AGBL1: variants seen among roughly 807,000 people sequenced by gnomAD.
AGBL1 encodes cytosolic carboxypeptidase 4.
Under a neutral mutation model 118.9 loss-of-function variants are expected in AGBL1, and 130 were observed. The observed-to-expected ratio is 1.09, with a 90% CI of 0.95 to 1.26. The LOEUF (loss-of-function observed/expected upper bound fraction) is 1.26, where lower values mean the gene tolerates loss of function less well. AGBL1 is among the 50% of genes most tolerant of loss of function. The probability of loss-of-function intolerance (pLI) is 0.00; values close to 1 mark genes in which losing one functional copy is unlikely to be tolerated. For missense variants in AGBL1, 1,584 were observed against 1,298.1 expected (o/e 1.22, Z -3.38); for synonymous variants, 555 against 478.9 (o/e 1.16, Z -2.08).
chr15:86,870,019 C>T (rs1024302138), intron 22 of AGBL1, among the ~76,000 whole-genome samples: 2 of 152,104 alleles, frequency 1.3e-5, no homozygotes, highest in Non-Finnish European at 2.9e-5. Context: ...AGTCATATCT[C>T]CCTCCTTCCT....
chr15:86,844,749 T>A (rs2079294940), intron 22 of AGBL1, among the ~76,000 whole-genome samples: 1 of 152,184 alleles, frequency 6.6e-6, no homozygotes, highest in South Asian at 2.1e-4. Flanking sequence ...TTATATATCA[T>A]GCTTTTGGTA....
intron 23 of AGBL1, among the ~76,000 whole-genome samples, chr15:86,986,461 T>G (rs538250081): frequency 2.6e-4 from 39 of 152,328 alleles, no homozygotes; most frequent in African/African-American, 9.1e-4. Context: ...AACTTATTTC[T>G]TTTTCAAACT....
chr15:86,687,514 CAG>C (rs2086081524), intron 22 of AGBL1, among the ~76,000 whole-genome samples: 1 of 152,088 alleles, frequency 6.6e-6, no homozygotes, highest in Non-Finnish European at 1.5e-5. Flanking sequence ...CTTGGAGAAT[CAG>C]AGTGAAAGGA....
At chr15:86,338,180 A>G (rs1444669155) in intron 17 of AGBL1, among the ~76,000 whole-genome samples, 1 of 152,190 alleles carries the variant, frequency 6.6e-6, no homozygotes, top group East Asian at 1.9e-4. Context: ...GTGAAAGGTA[A>G]CAGTTGGAGG....
chr15:86,644,110 G>T (rs1362913719), intron 21 of AGBL1, among the ~76,000 whole-genome samples: 4 of 152,072 alleles, frequency 2.6e-5, no homozygotes, highest in Non-Finnish European at 5.9e-5. Context: ...CACTTTATAT[G>T]CTGATTATAT....
At chr15:86,711,261 G>T (rs1230586264) in intron 22 of AGBL1, among the ~76,000 whole-genome samples, 1 of 152,150 alleles carries the variant, frequency 6.6e-6, no homozygotes, top group Non-Finnish European at 1.5e-5. Flanking sequence ...CAGGAAACTT[G>T]AGGAAGTTGA....
At chr15:86,462,023 C>T (rs1407072755) in intron 18 of AGBL1, among the ~76,000 whole-genome samples, 1 of 152,088 alleles carries the variant, frequency 6.6e-6, no homozygotes, top group Non-Finnish European at 1.5e-5. Context: ...TTTCCTTTGA[C>T]AATTACTTAC....
chr15:86,320,710 G>GGTGT (rs1164098628), intron 17 of AGBL1, among the ~76,000 whole-genome samples: 1 of 145,222 alleles, frequency 6.9e-6, no homozygotes, highest in Non-Finnish European at 1.5e-5. Flanking sequence ...ATTTACTGAA[G>GGTGT]GTGTGTGTGT....
At chr15:86,574,357 G>T (rs1280128179) in intron 21 of AGBL1, among the ~76,000 whole-genome samples, 1 of 152,158 alleles carries the variant, frequency 6.6e-6, no homozygotes, top group African/African-American at 2.4e-5. Context: ...GAAACTTGAG[G>T]TGGAAGGATG....
rs1450601072 is a variant in AGBL1, at chr15:86,541,231, T to TC, written c.2686-4769dup. Among the ~76,000 whole-genome samples, 5 of 152,214 alleles carry TC rather than the reference T, an allele frequency of 3.3e-5. No individual in the cohort carries two copies. The East Asian group carries it at 7.7e-4, about 24-fold the overall frequency. On this transcript the variant is annotated intron_variant, in intron 19 of 22. Coordinates refer to ENST00000614907, the MANE Select transcript of AGBL1 (RefSeq NM_001386094.1). ...TAGACTAGAGGCTTTGAAAGTAAGG[T>TC]CCTGGGGCTGGGGCATGAGCATCAC...
At position 86,236,153 on chromosome 15, in the gene AGBL1, A is replaced by G. The variant is rs900205770; in HGVS notation, c.526+11202A>G. ...GAAATCCTTTGCAGAGCCACTGTAT[A>G]TAAACAGATGACAGTGTAGCTGCTC... is the stretch of plus-strand genomic sequence containing the variant. On this transcript the variant is annotated intron_variant, in intron 6 of 22. Coordinates refer to ENST00000614907, the MANE Select transcript of AGBL1 (RefSeq NM_001386094.1). 6.6e-5 allele frequency among the ~76,000 whole-genome samples: 10 copies of G among 152,288 alleles called. 1 individual carries two copies. In the Middle Eastern group the frequency reaches 0.027, roughly 414 times the overall value.
chr15:86,170,524 A>G (rs2077399373), intron 5 of AGBL1, among the ~76,000 whole-genome samples: 1 of 152,168 alleles, frequency 6.6e-6, no homozygotes, highest in South Asian at 2.1e-4. Context: ...CATGAAAAAA[A>G]CGACTTCAAG....
At chr15:86,116,673 C>G (rs758871567) in intron 1 of AGBL1, 2 of 152,212 alleles carry the variant, frequency 1.3e-5, no homozygotes, top group Non-Finnish European at 2.9e-5. Context: ...CTTACACAAG[C>G]AGAGCAACCC....
chr15:86,787,559 C>T (rs979718405), intron 22 of AGBL1, among the ~76,000 whole-genome samples: 14 of 152,112 alleles, frequency 9.2e-5, no homozygotes, highest in Non-Finnish European at 1.8e-4. Context: ...CTTAGCATGT[C>T]GTCTTCCAGA....
chr15:86,629,836 A>T (rs532542820), intron 21 of AGBL1, among the ~76,000 whole-genome samples: 1 of 152,340 alleles, frequency 6.6e-6, no homozygotes, highest in African/African-American at 2.4e-5. Flanking sequence ...ATTCATTGCT[A>T]AAAGGAAAAA....
At chr15:86,175,529 C>A (rs535150605) in intron 5 of AGBL1, among the ~76,000 whole-genome samples, 172 of 151,908 alleles carry the variant, frequency 1.1e-3, no homozygotes, top group African/African-American at 4.0e-3. Flanking sequence ...TTATTCCTTT[C>A]TTTCTACTAA....
At chr15:86,680,201 T>C (rs1408260846) in intron 22 of AGBL1, among the ~76,000 whole-genome samples, 3 of 152,220 alleles carry the variant, frequency 2.0e-5, no homozygotes, top group Admixed American at 1.3e-4. Flanking sequence ...AATTCAACTT[T>C]GTGTTTAATG....
chr15:86,394,941 TC>T (rs1405558205), intron 17 of AGBL1, among the ~76,000 whole-genome samples: 1 of 152,066 alleles, frequency 6.6e-6, no homozygotes, highest in Non-Finnish European at 1.5e-5. Flanking sequence ...ACAAATTCCT[TC>T]CCCTTCAAAA....
intron 18 of AGBL1, among the ~76,000 whole-genome samples, chr15:86,494,471 A>G (rs1040843948): frequency 2.6e-5 from 4 of 151,974 alleles, no homozygotes; most frequent in Non-Finnish European, 5.9e-5. Flanking sequence ...GGCTCTTCCC[A>G]TGCTGGTTTT....
Sources: gnomAD v4.1 joint callset for allele counts (sites outside exome capture counted in the v4.1 genomes callset) on GRCh38, gnomAD v4.1.1 for gene constraint, MANE v1.5 for transcripts, NCBI Gene and HGNC (gene_info 2026-07-23, HGNC 2026-07-21) for gene names.